NPAS3: variants seen among roughly 807,000 people sequenced by gnomAD.
NPAS3 encodes neuronal PAS domain-containing protein 3.
In NPAS3, 14 loss-of-function variants were observed where a neutral mutation model predicts 73.1. That is an observed-to-expected ratio of 0.19 (90% CI 0.13 to 0.30). The LOEUF (loss-of-function observed/expected upper bound fraction) is 0.30, where lower values mean the gene tolerates loss of function less well. Ranked by LOEUF, NPAS3 falls within the 10% of genes least tolerant of loss-of-function variation. The pLI, the probability that NPAS3 is intolerant of heterozygous loss-of-function variation, is 1.00. For missense variants in NPAS3, 1,096 were observed against 1,250.0 expected, an observed-to-expected ratio of 0.88 and a Z score of 1.86; for synonymous variants, 620 against 541.5, an observed-to-expected ratio of 1.14 and a Z score of -2.01.
chr14:33,584,740 T>G (rs1345978342), intron 5 of NPAS3, among the ~76,000 whole-genome samples: 4 of 152,162 alleles, frequency 2.6e-5, no homozygotes, highest in Non-Finnish European at 5.9e-5. Flanking sequence ...TTGACAGCAT[T>G]TTTTTAGTAC....
intron 4 of NPAS3, among the ~76,000 whole-genome samples, chr14:33,483,067 T>G (rs191795710): frequency 1.3e-5 from 2 of 152,270 alleles, no homozygotes; most frequent in Admixed American, 6.5e-5. Flanking sequence ...AAAGAGAAAT[T>G]TGTCCCATGT....
chr14:33,742,481 A>C (rs184110897), intron 7 of NPAS3, among the ~76,000 whole-genome samples: 113 of 152,322 alleles, frequency 7.4e-4, no homozygotes, highest in Non-Finnish European at 1.1e-3. Flanking sequence ...TTATTTCTAA[A>C]AATGAATGTG....
In NPAS3 at chr14:33,019,587, A is replaced by T. The variant is rs562113923; in HGVS notation, c.51-36318A>T. Among the ~76,000 whole-genome samples the T allele has an allele frequency of 2.6e-5, 4 of 152,154 alleles. No homozygotes were observed. The South Asian group carries it at 6.2e-4, about 24-fold the overall frequency. On this transcript the variant is annotated intron_variant, in intron 1 of 11. Coordinates refer to ENST00000356141, the Ensembl canonical transcript of NPAS3. ...GCTCTTGGTGGCTGGTGTCTCTTCAAAGGTGTGTGAAAGTGAATGATTGAT... is the reference window on the plus strand; with the variant it reads ...GCTCTTGGTGGCTGGTGTCTCTTCATAGGTGTGTGAAAGTGAATGATTGAT...
intron 6 of NPAS3, among the ~76,000 whole-genome samples, chr14:33,687,225 T>G (rs2140390178): frequency 6.6e-6 from 1 of 152,322 alleles, no homozygotes; most frequent in South Asian, 2.1e-4. Flanking sequence ...GTCACTTTTT[T>G]TAATCAATTG....
chr14:33,182,690 G>A (rs547980898), intron 2 of NPAS3, among the ~76,000 whole-genome samples: 7 of 151,762 alleles, frequency 4.6e-5, no homozygotes, highest in Non-Finnish European at 8.8e-5. Context: ...ACCTGTGATT[G>A]TCCACATGGG....
chr14:32,998,426 G>T (rs1219673125), intron 1 of NPAS3, among the ~76,000 whole-genome samples: 1 of 152,054 alleles, frequency 6.6e-6, no homozygotes, highest in Non-Finnish European at 1.5e-5. Flanking sequence ...TTTTTGGGGT[G>T]ATGAAACTAT....
chr14:33,219,214 G>A (rs117708348), intron 3 of NPAS3, among the ~76,000 whole-genome samples: 1 of 152,054 alleles, frequency 6.6e-6, no homozygotes, highest in Non-Finnish European at 1.5e-5. Flanking sequence ...CTATTTAGAG[G>A]CTATCTAGAA....
intron 3 of NPAS3, among the ~76,000 whole-genome samples, chr14:33,270,532 A>G (rs1279290850): frequency 6.6e-6 from 1 of 152,144 alleles, no homozygotes; most frequent in African/African-American, 2.4e-5. Context: ...CATTAAGTGG[A>G]AAAGGGAGAG....
intron 7 of NPAS3, among the ~76,000 whole-genome samples, chr14:33,754,503 C>G (rs9972097): frequency 0.059 from 8,912 of 152,194 alleles, 818 homozygotes; most frequent in African/African-American, 0.2. Flanking sequence ...CTGGAGTCAG[C>G]CTCAGAGTGC....
chr14:33,233,062 C>A (rs964782736), intron 3 of NPAS3, among the ~76,000 whole-genome samples: 1 of 152,158 alleles, frequency 6.6e-6, no homozygotes, highest in Non-Finnish European at 1.5e-5. Context: ...AGAACTAGAA[C>A]TAATAACCTT....
In NPAS3 at chr14:33,360,656, A is replaced by G. The variant is rs146441820; in HGVS notation, c.386-6530A>G. Among the ~76,000 whole-genome samples, 886 of 152,330 alleles carry G rather than the reference A, an allele frequency of 5.8e-3. 13 individuals carry two copies. Among genetic ancestry groups the G allele is most frequent in the African/African-American group, 0.02 (817 of 41,572 alleles). ...CCCCCCAAAAAAGTACTCTCTTACA[A>G]TCATTGTTCTTCTGGAATAATTAAG... On this transcript the variant is annotated intron_variant, in intron 3 of 11. Transcript: ENST00000356141.
chr14:33,277,873 A>G (rs1383187121), intron 3 of NPAS3, among the ~76,000 whole-genome samples: 4 of 152,134 alleles, frequency 2.6e-5, no homozygotes, highest in Non-Finnish European at 5.9e-5. Flanking sequence ...GATCTGAGTG[A>G]TAAAAAGATT....
intron 2 of NPAS3, among the ~76,000 whole-genome samples, chr14:33,175,427 A>AT (rs1002512975): frequency 3.3e-5 from 5 of 152,176 alleles, no homozygotes; most frequent in African/African-American, 1.2e-4. Context: ...TGTGCAGAGA[A>AT]TTTTTTTAGG....
chr14:33,017,924 T>C (rs2039453286), intron 1 of NPAS3, among the ~76,000 whole-genome samples: 1 of 152,222 alleles, frequency 6.6e-6, no homozygotes, highest in South Asian at 2.1e-4. Flanking sequence ...CATTTGTACT[T>C]TTATTAAATC....
At chr14:33,619,616 T>G (rs1340185120) in intron 5 of NPAS3, among the ~76,000 whole-genome samples, 1 of 152,222 alleles carries the variant, frequency 6.6e-6, no homozygotes, top group African/African-American at 2.4e-5. Flanking sequence ...CGTGCTCTTT[T>G]AGAAAGCTCA....
chr14:33,078,843 T>C (rs892088599), intron 2 of NPAS3, among the ~76,000 whole-genome samples: 6 of 152,234 alleles, frequency 3.9e-5, no homozygotes, highest in Non-Finnish European at 8.8e-5. Context: ...ACATTTCTTA[T>C]GTTGCTTAAA....
chr14:33,708,037 T>C (rs531891794), intron 6 of NPAS3, among the ~76,000 whole-genome samples: 1 of 152,004 alleles, frequency 6.6e-6, no homozygotes, highest in African/African-American at 2.4e-5. Flanking sequence ...GGCCCTTACT[T>C]GGCAAGTCAT....
chr14:33,442,322 A>AC (rs1732408457), intron 4 of NPAS3, among the ~76,000 whole-genome samples: 2 of 151,936 alleles, frequency 1.3e-5, no homozygotes, highest in Non-Finnish European at 2.9e-5. Context: ...CTGCAGCCTC[A>AC]CCTACTCAGG....
intron 3 of NPAS3, among the ~76,000 whole-genome samples, chr14:33,283,882 AGT>A (rs950572612): frequency 1.3e-5 from 2 of 152,136 alleles, no homozygotes; most frequent in African/African-American, 4.8e-5. Context: ...TCTCATAACT[AGT>A]GTGTCTTTAA....
Sources: allele counts gnomAD v4.1 joint callset (sites outside exome capture counted in the v4.1 genomes callset), GRCh38; gene constraint gnomAD v4.1.1; transcripts MANE v1.5; gene names NCBI Gene and HGNC (gene_info 2026-07-23, HGNC 2026-07-21).